The following ZC3H14 variants were observed in gnomAD, a reference collection of about 807,000 sequenced individuals.
ZC3H14 encodes the protein zinc finger CCCH-type containing 14, also known as zinc finger CCCH domain-containing protein 14.
A neutral mutation model predicts 92.4 loss-of-function variants in ZC3H14; 31 were observed. That is an observed-to-expected ratio of 0.34 (90% CI 0.25 to 0.45). The LOEUF (loss-of-function observed/expected upper bound fraction) is 0.45. Ranked by LOEUF, ZC3H14 falls within the 20% of genes least tolerant of loss-of-function variation. The pLI, the probability that ZC3H14 is intolerant of heterozygous loss-of-function variation, is 1.00. For missense variants in ZC3H14, 781 were observed against 897.3 expected (o/e 0.87, Z 1.66); for synonymous variants, 321 against 300.9 (o/e 1.07, Z -0.69).
chr14:88,613,484 G>A lies in ZC3H14; in HGVS notation c.*1733G>A, dbSNP rs996060630. 7 of 152,018 alleles carry A rather than the reference G, an allele frequency of 4.6e-5. No homozygotes were observed. Among genetic ancestry groups the A allele is most frequent in the Non-Finnish European group, 7.4e-5 (5 of 67,984 alleles). 9.4% of individuals were successfully genotyped at this position (152,018 alleles called of 1,614,324 possible). On this transcript the variant is annotated 3_prime_UTR_variant, in exon 17 of 17. Transcript: ENST00000251038. ...TTAATTTAGTTCAGCCATTTTACAAGGAAATAATAAAATACTAAAATCTGA... is the reference window on the plus strand; with the variant it reads ...TTAATTTAGTTCAGCCATTTTACAAAGAAATAATAAAATACTAAAATCTGA...
intron 9 of ZC3H14, among the ~76,000 whole-genome samples, chr14:88,587,786 A>G (rs1476659639): frequency 2.0e-5 from 3 of 151,934 alleles, no homozygotes; most frequent in African/African-American, 7.3e-5. Flanking sequence ...ATCTATATAT[A>G]TATTTTAATG....
At chr14:88,604,138 T>C (rs1362052226) in intron 12 of ZC3H14, among the ~76,000 whole-genome samples, 1 of 152,234 alleles carries the variant, frequency 6.6e-6, no homozygotes, top group Non-Finnish European at 1.5e-5. Flanking sequence ...TTCAATTTGG[T>C]ACCTTAATTT....
chr14:88,563,435 G>C, intron 1 of ZC3H14: 1 of 1,433,078 alleles, frequency 7.0e-7, no homozygotes, highest in South Asian at 1.5e-5. Flanking sequence ...GCACGGCGCC[G>C]CTTTGGATCC....
chr14:88,594,772 C>T, intron 9 of ZC3H14: 1 of 1,614,054 alleles, frequency 6.2e-7, no homozygotes, highest in South Asian at 1.1e-5. Context: ...ACCAATTTTT[C>T]TTCCACCGGA....
At chr14:88,574,648 G>A (rs746933947) in intron 6 of ZC3H14, 45 bp from the exon 7 acceptor site, 1 of 1,610,282 alleles carries the variant, frequency 6.2e-7, no homozygotes, top group Non-Finnish European at 8.5e-7. Flanking sequence ...TAGAACTCTT[G>A]TTATTTTCTG....
intron 9 of ZC3H14, chr14:88,595,173 ATGTTGAC>A (rs2083647865): frequency 1.3e-6 from 2 of 1,593,996 alleles, no homozygotes; most frequent in Non-Finnish European, 1.7e-6. Flanking sequence ...CTTTCCACGT[ATGTTGAC>A]TGTAGCTCTG....
intron 9 of ZC3H14, among the ~76,000 whole-genome samples, chr14:88,579,867 A>G (rs1360564314): frequency 1.3e-5 from 2 of 151,364 alleles, no homozygotes; most frequent in Non-Finnish European, 3.0e-5. Context: ...AAAGTGAGCT[A>G]GAAGACATTA....
rs1822322133 is a variant in ZC3H14 at position 88,618,700 on chromosome 14, G to C, written c.*6949G>C. 6.2e-7 allele frequency: 1 copy of C among 1,612,096 alleles called. No homozygotes were observed. The highest frequency in any genetic ancestry group is 2.2e-5 in the East Asian group (1 of 44,844). On this transcript the variant is annotated 3_prime_UTR_variant, in exon 17 of 17. Transcript: ENST00000251038. Reference sequence around the variant, plus strand: ...AAGTCCATTTGAATGACAAAGCTTGGAATGTCTTTGCAGTAGCTGATTCTG... The same window carrying C: ...AAGTCCATTTGAATGACAAAGCTTGCAATGTCTTTGCAGTAGCTGATTCTG...
rs557047220 is a variant in ZC3H14 at position 88,622,111 on chromosome 14, G to T, written c.*10360G>T. The T allele has an allele frequency of 4.3e-5, 10 of 233,446 alleles. No individual in the cohort carries two copies. The South Asian group carries it at 5.6e-4, about 13-fold the overall frequency. 14.5% of individuals were successfully genotyped at this position (233,446 alleles called of 1,614,324 possible). A position where few individuals can be genotyped will look rare whatever the true frequency, so the allele number is the denominator to read the frequency against. ...GATCAACTTTTTTAGTTTCTGCACAGGAGTGAGAACATGTATTTATCTTTC... is the reference window on the plus strand; with the variant it reads ...GATCAACTTTTTTAGTTTCTGCACATGAGTGAGAACATGTATTTATCTTTC... On this transcript the variant is annotated 3_prime_UTR_variant, in exon 17 of 17. Coordinates refer to ENST00000251038, the MANE Select transcript of ZC3H14 (RefSeq NM_024824.5).
At chr14:88,593,776 T>C (rs889590502) in intron 9 of ZC3H14, among the ~76,000 whole-genome samples, 1 of 152,254 alleles carries the variant, frequency 6.6e-6, no homozygotes, top group African/African-American at 2.4e-5. Flanking sequence ...AAAATAGATA[T>C]GTCTTGGATT....
At chr14:88,593,258 G>T (rs1166938538) in intron 9 of ZC3H14, among the ~76,000 whole-genome samples, 1 of 152,110 alleles carries the variant, frequency 6.6e-6, no homozygotes, top group African/African-American at 2.4e-5. Context: ...GAGTCACCAC[G>T]CCCAGCCTAG....
At chr14:88,583,332 G>A (rs914727156) in intron 9 of ZC3H14, among the ~76,000 whole-genome samples, 1 of 151,828 alleles carries the variant, frequency 6.6e-6, no homozygotes, top group Non-Finnish European at 1.5e-5. Flanking sequence ...TGCCCAGGCT[G>A]GTCTGGAACT....
chr14:88,595,657 G>A (rs1160439634), intron 9 of ZC3H14, among the ~76,000 whole-genome samples: 2 of 152,158 alleles, frequency 1.3e-5, no homozygotes, highest in African/African-American at 2.4e-5. Context: ...TATAACTTAT[G>A]TTTTAAAGGA....
In ZC3H14 at chr14:88,603,008, G is replaced by C. The variant is rs1277166830; in HGVS notation, c.1695G>C (p.Gln565His). The change falls in exon 12 of 17, where the codon CAG becomes CAC. Residue 565 changes from glutamine (Q) to histidine (H), a missense_variant. By Grantham distance (24) the Gln-to-His change is conservative (BLOSUM62 0). Coordinates refer to ENST00000251038, the MANE Select transcript of ZC3H14 (RefSeq NM_024824.5). Reference protein sequence around the residue: ...KGLRGLLHPQQLHLLSRQLED... With the variant: ...KGLRGLLHPQHLHLLSRQLED... ...TCAGAGGTCTCCTCCACCCACAGCA[G>C]TTGCACTTGCTGAGCAGGCAGCTTG... 2 of 1,614,062 alleles carry C rather than the reference G, an allele frequency of 1.2e-6. No individual in the cohort carries two copies. The highest frequency in any genetic ancestry group is 1.7e-6 in the Non-Finnish European group (2 of 1,180,038).
chr14:88,594,511 C>T, intron 9 of ZC3H14: 2 of 1,399,006 alleles, frequency 1.4e-6, no homozygotes, highest in Non-Finnish European at 1.9e-6. Flanking sequence ...TTAGCTTTTT[C>T]ACATTTAGTT....
In ZC3H14 at chr14:88,618,636, T is replaced by C; in HGVS notation, c.*6885T>C. 1 of 1,610,530 alleles carries C rather than the reference T, an allele frequency of 6.2e-7. No individual in the cohort carries two copies. The highest frequency in any genetic ancestry group is 1.1e-5 in the South Asian group (1 of 90,172). The stretch of plus-strand genomic sequence containing the variant: ...AAGAACTTGCCACCTGGGTATACAG[T>C]ATTGGTACTGTACCTGGAGATAACT... On this transcript the variant is annotated 3_prime_UTR_variant, in exon 17 of 17. Coordinates refer to ENST00000251038, the MANE Select transcript of ZC3H14 (RefSeq NM_024824.5).
chr14:88,604,065 G>T (rs1314823369), intron 12 of ZC3H14, among the ~76,000 whole-genome samples: 1 of 152,100 alleles, frequency 6.6e-6, no homozygotes, highest in South Asian at 2.1e-4. Context: ...AGGCAGTCCC[G>T]ATTTATTGAC....
chr14:88,581,908 T>C (rs1305348533), intron 9 of ZC3H14, among the ~76,000 whole-genome samples: 1 of 152,204 alleles, frequency 6.6e-6, no homozygotes, highest in Admixed American at 6.5e-5. Context: ...ACTGGGTAAA[T>C]AAAATAATTG....
chr14:88,609,563 T>A, intron 14 of ZC3H14, 149 bp from the exon 15 acceptor site: 1 of 1,341,238 alleles, frequency 7.5e-7, no homozygotes, highest in Non-Finnish European at 1.1e-6. Context: ...CTATCTGTAG[T>A]ATTCCGAAGT....
Sources: allele counts gnomAD v4.1 joint callset (sites outside exome capture counted in the v4.1 genomes callset), GRCh38; gene constraint gnomAD v4.1.1; transcripts MANE v1.5; gene names NCBI Gene and HGNC (gene_info 2026-07-23, HGNC 2026-07-21).